Variants in FAM110B observed in about 807,000 individuals in gnomAD.
FAM110B encodes family with sequence similarity 110 member B, also known as protein FAM110B.
FAM110B carries 6 observed loss-of-function variants against 20.4 expected under a neutral mutation model. The observed-to-expected ratio is 0.29, with a 90% CI of 0.16 to 0.58. The LOEUF is 0.58. Among genes scored for constraint, FAM110B ranks in the 20% least tolerant of loss-of-function variants. The pLI, the probability that FAM110B is intolerant of heterozygous loss-of-function variation, is 0.90. For synonymous variants in FAM110B, 226 were observed against 214.1 expected, an observed-to-expected ratio of 1.06 and a Z score of -0.49; for missense variants, 434 against 498.2, an observed-to-expected ratio of 0.87 and a Z score of 1.23.
At chr8:58,114,256 C>G (rs532174457) in intron 3 of FAM110B, among the ~76,000 whole-genome samples, 2 of 152,302 alleles carry the variant, frequency 1.3e-5, no homozygotes, top group African/African-American at 2.4e-5. Context: ...GAGAGGGTTA[C>G]TACTAGAAGC....
chr8:58,016,313 C>G (rs10089240), intron 1 of FAM110B, among the ~76,000 whole-genome samples: 27,722 of 152,174 alleles, frequency 0.18, 3,419 homozygotes, highest in African/African-American at 0.34. Context: ...CAGATTTTCT[C>G]TCTTCACATT....
At chr8:57,996,002 T>C (rs1032451801) in intron 1 of FAM110B, among the ~76,000 whole-genome samples, 3 of 152,316 alleles carry the variant, frequency 2.0e-5, no homozygotes, top group African/African-American at 4.8e-5. Context: ...TTTATTATTT[T>C]CCCCCCAGTT....
intron 1 of FAM110B, among the ~76,000 whole-genome samples, chr8:58,030,840 G>A (rs769554918): frequency 1.3e-4 from 20 of 152,228 alleles, no homozygotes; most frequent in Middle Eastern, 3.4e-3. Flanking sequence ...CAGCTGTCCC[G>A]ATAACCATCA....
intron 3 of FAM110B, among the ~76,000 whole-genome samples, chr8:58,142,392 C>T (rs1803761849): frequency 6.6e-6 from 1 of 152,166 alleles, no homozygotes; most frequent in Non-Finnish European, 1.5e-5. Flanking sequence ...GAGGGGTCTG[C>T]AGGCCCATTA....
intron 1 of FAM110B, among the ~76,000 whole-genome samples, chr8:58,010,041 G>A (rs980928362): frequency 3.3e-5 from 5 of 152,190 alleles, no homozygotes; most frequent in Non-Finnish European, 7.3e-5. Context: ...GTTTGAGACA[G>A]TGTCTCACTC....
At chr8:58,111,321 C>T (rs1475015699) in intron 3 of FAM110B, among the ~76,000 whole-genome samples, 2 of 152,138 alleles carry the variant, frequency 1.3e-5, no homozygotes, top group African/African-American at 4.8e-5. Flanking sequence ...TTCACTCATA[C>T]CTTATTTTTG....
In FAM110B at chr8:58,016,991, C is replaced by G. The variant is rs118111100; in HGVS notation, c.-511-14615C>G. On this transcript the variant is annotated intron_variant, in intron 1 of 3. Transcript: ENST00000519262. ...AGATAGAACAGACTTAGTGAACAGA[C>G]TGAGGCTCGAAACAGCACAGCAAGT... 6.3e-4 allele frequency among the ~76,000 whole-genome samples: 96 copies of G among 152,292 alleles called. No individual in the cohort carries two copies. In the East Asian group the frequency reaches 0.017, roughly 28 times the overall value.
intron 1 of FAM110B, among the ~76,000 whole-genome samples, chr8:58,006,923 A>ATATATATATTTTTTTTT: frequency 8.7e-5 from 11 of 126,534 alleles, no homozygotes; most frequent in African/African-American, 3.3e-4. Context: ...ATATATATAT[A>ATATATATATTTTTTTTT]TTTTTCCAAA....
chr8:58,011,660 A>T (rs76429230), intron 1 of FAM110B, among the ~76,000 whole-genome samples: 3,548 of 152,298 alleles, frequency 0.023, 150 homozygotes, highest in African/African-American at 0.081. Flanking sequence ...TTGAAGAAAG[A>T]AAGAGAACCT....
chr8:58,041,374 C>T (rs1463500437), intron 2 of FAM110B, among the ~76,000 whole-genome samples: 1 of 152,144 alleles, frequency 6.6e-6, no homozygotes, highest in African/African-American at 2.4e-5. Context: ...TGATAGTTCC[C>T]ACTCTTCTCC....
At chr8:58,099,606 C>G (rs1038862650) in intron 3 of FAM110B, among the ~76,000 whole-genome samples, 6 of 152,186 alleles carry the variant, frequency 3.9e-5, no homozygotes, top group Admixed American at 1.3e-4. Flanking sequence ...TCTCCTGTCC[C>G]ATCTGGGCAG....
At chr8:58,024,370 C>CT (rs1305820429) in intron 1 of FAM110B, among the ~76,000 whole-genome samples, 1 of 151,860 alleles carries the variant, frequency 6.6e-6, no homozygotes, top group Non-Finnish European at 1.5e-5. Flanking sequence ...ATAAGCCTGC[C>CT]TTTTTTTGGA....
intron 3 of FAM110B, among the ~76,000 whole-genome samples, chr8:58,125,324 G>C (rs1471620179): frequency 6.6e-6 from 1 of 152,066 alleles, no homozygotes; most frequent in Non-Finnish European, 1.5e-5. Flanking sequence ...CTCCAGCCTG[G>C]GTGACAGAGA....
At chr8:58,135,572 A>G (rs1004542974) in intron 3 of FAM110B, among the ~76,000 whole-genome samples, 4 of 152,358 alleles carry the variant, frequency 2.6e-5, no homozygotes, top group East Asian at 1.9e-4. Flanking sequence ...ATATTTTTCA[A>G]AAATAAATGT....
intron 1 of FAM110B, among the ~76,000 whole-genome samples, chr8:58,019,731 T>A (rs1008869831): frequency 6.6e-6 from 1 of 152,154 alleles, no homozygotes. Context: ...CTTTGTTACC[T>A]TGTATATAGT....
At chr8:58,022,021 G>T (rs1804765881) in intron 1 of FAM110B, among the ~76,000 whole-genome samples, 1 of 152,176 alleles carries the variant, frequency 6.6e-6, no homozygotes, top group South Asian at 2.1e-4. Flanking sequence ...TAAGAAGGGA[G>T]CTGAGCTGTG....
At chr8:58,084,235 G>T (rs535658008) in intron 3 of FAM110B, among the ~76,000 whole-genome samples, 2 of 152,142 alleles carry the variant, frequency 1.3e-5, no homozygotes, top group African/African-American at 2.4e-5. Flanking sequence ...TGTACACCTC[G>T]CTAAAGAGAA....
intron 1 of FAM110B, among the ~76,000 whole-genome samples, chr8:58,020,615 CT>C (rs1174476110): frequency 2.0e-5 from 3 of 152,136 alleles, no homozygotes; most frequent in Admixed American, 1.3e-4. Context: ...AATTTTAGAT[CT>C]TTGATTTCCT....
At chr8:58,100,604 T>C (rs1806754952) in intron 3 of FAM110B, among the ~76,000 whole-genome samples, 1 of 152,242 alleles carries the variant, frequency 6.6e-6, no homozygotes, top group South Asian at 2.1e-4. Flanking sequence ...CCTTGGCTTA[T>C]AAGAGTGTCA....
Sources: gnomAD v4.1 joint callset for allele counts (sites outside exome capture counted in the v4.1 genomes callset) on GRCh38, gnomAD v4.1.1 for gene constraint, MANE v1.5 for transcripts, NCBI Gene and HGNC (gene_info 2026-07-23, HGNC 2026-07-21) for gene names.